DLG2: variants seen among roughly 807,000 people sequenced by gnomAD.
DLG2 encodes disks large homolog 2.
A neutral mutation model predicts 132.5 loss-of-function variants in DLG2; 45 were observed. The ratio of observed to expected loss-of-function variants is 0.34; its 90% CI spans 0.27 to 0.44. The LOEUF is 0.44. Ranked by LOEUF, DLG2 falls within the 20% of genes least tolerant of loss-of-function variation. The pLI is 1.00. For missense variants in DLG2, 1,045 were observed against 1,196.9 expected, an observed-to-expected ratio of 0.87 and a Z score of 1.87; for synonymous variants, 424 against 419.6, an observed-to-expected ratio of 1.01 and a Z score of -0.13.
At chr11:85,069,018 C>G (rs1306726129) in intron 6 of DLG2, among the ~76,000 whole-genome samples, 1 of 152,032 alleles carries the variant, frequency 6.6e-6, no homozygotes, top group Non-Finnish European at 1.5e-5. Context: ...ACCATCTGAT[C>G]TCTGACAAAC....
At chr11:83,891,255 A>C (rs566732883) in intron 15 of DLG2, among the ~76,000 whole-genome samples, 1 of 138,456 alleles carries the variant, frequency 7.2e-6, no homozygotes, top group African/African-American at 2.8e-5. Context: ...AAGGTAACAC[A>C]GAAAAAAAGA....
intron 3 of DLG2, among the ~76,000 whole-genome samples, chr11:85,529,391 C>T (rs192698385): frequency 1.3e-5 from 2 of 152,314 alleles, no homozygotes; most frequent in Admixed American, 1.3e-4. Context: ...TGTACAAATT[C>T]ATCTAATGAC....
At chr11:84,730,177 G>C (rs2062987240) in intron 6 of DLG2, among the ~76,000 whole-genome samples, 1 of 151,964 alleles carries the variant, frequency 6.6e-6, no homozygotes, top group Admixed American at 6.6e-5. Flanking sequence ...ATAAAAGTTG[G>C]ATCTATGTTC....
Position 84,802,365 on chromosome 11 carries a change from C to CCAGCAG in DLG2, c.358-267640_358-267635dup, listed in dbSNP as rs371131136. 3.2e-4 allele frequency among the ~76,000 whole-genome samples: 48 copies of CCAGCAG among 150,142 alleles called. 1 individual carries two copies. The highest frequency in any genetic ancestry group is 6.3e-4 in the South Asian group (3 of 4,742). On this transcript the variant is annotated intron_variant, in intron 6 of 27. Transcript: ENST00000376104. ...AAGGAATAATGAAGCACTCCGGAAC[C>CCAGCAG]CAGCAGCAGCAGCAGCAGCAGCAGC...
intron 3 of DLG2, among the ~76,000 whole-genome samples, chr11:85,362,802 CA>C (rs1271357852): frequency 6.6e-6 from 1 of 151,994 alleles, no homozygotes; most frequent in African/African-American, 2.4e-5. Context: ...AAAAATGACT[CA>C]ATTTATTTTG....
At chr11:84,876,185 T>G (rs950820209) in intron 6 of DLG2, among the ~76,000 whole-genome samples, 1 of 152,232 alleles carries the variant, frequency 6.6e-6, no homozygotes, top group African/African-American at 2.4e-5. Context: ...TATCTCTTTT[T>G]GATATAGCAA....
intron 6 of DLG2, among the ~76,000 whole-genome samples, chr11:84,934,572 T>G (rs530193750): frequency 2.2e-5 from 3 of 136,408 alleles, no homozygotes; most frequent in East Asian, 4.9e-4. Flanking sequence ...TATTACTGTC[T>G]CAATTTCAGA....
intron 18 of DLG2, among the ~76,000 whole-genome samples, chr11:83,634,004 A>T (rs1175245466): frequency 1.3e-5 from 2 of 152,092 alleles, no homozygotes; most frequent in East Asian, 3.9e-4. Context: ...ATCCCAACTC[A>T]ATAGGGTATT....
At chr11:85,529,122 A>G (rs1485661713) in intron 3 of DLG2, among the ~76,000 whole-genome samples, 1 of 152,224 alleles carries the variant, frequency 6.6e-6, no homozygotes. Context: ...ATATATATGC[A>G]CACACAATTG....
Position 85,549,125 on chromosome 11 carries a change from G to A in DLG2, c.40+49532C>T, listed in dbSNP as rs372665380. ...AACCCAGAGCCCTGGTGGCTTGGGCGCTGGAGTGAATCTCCTGGGTCCGCA... is the reference window on the plus strand; with the variant it reads ...AACCCAGAGCCCTGGTGGCTTGGGCACTGGAGTGAATCTCCTGGGTCCGCA... On this transcript the variant is annotated intron_variant, in intron 3 of 27. Coordinates refer to ENST00000376104, the MANE Select transcript of DLG2 (RefSeq NM_001142699.3). Among the ~76,000 whole-genome samples, 23 of 152,268 alleles carry A rather than the reference G, an allele frequency of 1.5e-4. No individual in the cohort carries two copies. The East Asian group carries it at 2.1e-3, about 14-fold the overall frequency.
At chr11:84,711,800 T>C (rs2060482665) in intron 6 of DLG2, among the ~76,000 whole-genome samples, 1 of 151,842 alleles carries the variant, frequency 6.6e-6, no homozygotes, top group African/African-American at 2.4e-5. Context: ...CCAGAAACAA[T>C]CTCTCAGATA....
At chr11:84,387,199 A>G (rs2098774428) in intron 7 of DLG2, among the ~76,000 whole-genome samples, 1 of 152,012 alleles carries the variant, frequency 6.6e-6, no homozygotes, top group Non-Finnish European at 1.5e-5. Context: ...GCTAGAGTCC[A>G]TGCATTTACC....
chr11:84,490,306 C>T (rs2099161540), intron 7 of DLG2, among the ~76,000 whole-genome samples: 1 of 152,066 alleles, frequency 6.6e-6, no homozygotes, highest in African/African-American at 2.4e-5. Flanking sequence ...TGCTTTAATA[C>T]AGTTGGAGGT....
chr11:85,204,984 G>A (rs1452442752), intron 4 of DLG2, among the ~76,000 whole-genome samples: 5 of 151,918 alleles, frequency 3.3e-5, no homozygotes. Context: ...TCCACACGCA[G>A]AAAAATAAAA....
intron 9 of DLG2, among the ~76,000 whole-genome samples, chr11:84,122,583 AC>A (rs2093979869): frequency 1.5e-5 from 1 of 66,558 alleles, no homozygotes; most frequent in Non-Finnish European, 5.3e-5. Flanking sequence ...GGGCAAACAA[AC>A]AAAAAAAAAA....
At position 83,456,944 on chromosome 11, in the gene DLG2, G is replaced by A. The variant is rs1450377191; in HGVS notation, c.*2874C>T. ...GCAAAAGGCCTGCAAATAAATGGCC[G>A]ACAATTCTGTGGGAGGAGAGCAAAA... On this transcript the variant is annotated 3_prime_UTR_variant, in exon 28 of 28. Transcript: ENST00000376104. The A allele has an allele frequency of 2.0e-5, 3 of 152,640 alleles. No individual in the cohort carries two copies. The highest frequency in any genetic ancestry group is 4.8e-5 in the African/African-American group (2 of 41,448). 9.5% of individuals were successfully genotyped at this position (152,640 alleles called of 1,614,324 possible).
At chr11:85,204,075 A>G (rs1466023580) in intron 4 of DLG2, among the ~76,000 whole-genome samples, 2 of 152,166 alleles carry the variant, frequency 1.3e-5, no homozygotes. Context: ...CCGACAGCTA[A>G]CAACATACTG....
At chr11:84,239,746 T>C (rs1216864921) in intron 8 of DLG2, among the ~76,000 whole-genome samples, 1 of 152,206 alleles carries the variant, frequency 6.6e-6, no homozygotes, top group African/African-American at 2.4e-5. Context: ...CTAGTCTGTA[T>C]AGATATAGTA....
intron 19 of DLG2, among the ~76,000 whole-genome samples, chr11:83,625,874 G>C (rs1035953427): frequency 1.3e-5 from 2 of 152,166 alleles, no homozygotes; most frequent in Non-Finnish European, 2.9e-5. Context: ...AACCAGACTC[G>C]ATGCACTTGG....
Sources: allele counts gnomAD v4.1 joint callset (sites outside exome capture counted in the v4.1 genomes callset), GRCh38; gene constraint gnomAD v4.1.1; transcripts MANE v1.5; gene names NCBI Gene and HGNC (gene_info 2026-07-23, HGNC 2026-07-21).